AFF3: variants seen among roughly 807,000 people sequenced by gnomAD.
AFF3 encodes ALF transcription elongation factor 3.
AFF3 carries 32 observed loss-of-function variants against 129.7 expected under a neutral mutation model. The observed-to-expected ratio is 0.25, with a 90% confidence interval of 0.19 to 0.33. The LOEUF (loss-of-function observed/expected upper bound fraction) is 0.33, where lower values mean the gene tolerates loss of function less well. Ranked by LOEUF, AFF3 falls within the 10% of genes least tolerant of loss-of-function variation. The pLI, the probability that AFF3 is intolerant of heterozygous loss-of-function variation, is 1.00. For synonymous variants in AFF3, 644 were observed against 635.4 expected, an observed-to-expected ratio of 1.01 and a Z score of -0.20; for missense variants, 1,373 against 1,592.0, an observed-to-expected ratio of 0.86 and a Z score of 2.34.
intron 7 of AFF3, among the ~76,000 whole-genome samples, chr2:99,945,197 G>A (rs1675444467): frequency 6.6e-6 from 1 of 152,208 alleles, no homozygotes; most frequent in African/African-American, 2.4e-5. Flanking sequence ...AGCTGGTTGT[G>A]GGAAGACCAC....
chr2:99,975,386 T>C (rs531533576), intron 7 of AFF3, among the ~76,000 whole-genome samples: 4 of 152,356 alleles, frequency 2.6e-5, no homozygotes, highest in African/African-American at 9.6e-5. Context: ...GGAAAGGATA[T>C]ACCTGCTTAT....
At chr2:99,868,318 G>C (rs1691597297) in intron 7 of AFF3, among the ~76,000 whole-genome samples, 1 of 152,016 alleles carries the variant, frequency 6.6e-6, no homozygotes, top group African/African-American at 2.4e-5. Context: ...AATTGTATCT[G>C]CTAATCATGT....
At chr2:99,766,947 C>A (rs1286998271) in intron 8 of AFF3, among the ~76,000 whole-genome samples, 2 of 152,144 alleles carry the variant, frequency 1.3e-5, no homozygotes, top group African/African-American at 4.8e-5. Context: ...TACTCAAGGG[C>A]GAATAGGCAA....
At chr2:99,952,091 C>A (rs1376007067) in intron 7 of AFF3, among the ~76,000 whole-genome samples, 1 of 152,142 alleles carries the variant, frequency 6.6e-6, no homozygotes, top group African/African-American at 2.4e-5. Flanking sequence ...ATCTGTGTCT[C>A]CAACCAAGTC....
intron 13 of AFF3, among the ~76,000 whole-genome samples, chr2:99,614,051 G>A (rs1681185727): frequency 6.6e-6 from 1 of 152,170 alleles, no homozygotes; most frequent in Non-Finnish European, 1.5e-5. Flanking sequence ...AGGAACCTTA[G>A]AGCTGTTTTG....
At chr2:99,766,057 G>C (rs1321315697) in intron 8 of AFF3, among the ~76,000 whole-genome samples, 1 of 152,226 alleles carries the variant, frequency 6.6e-6, no homozygotes, top group Non-Finnish European at 1.5e-5. Flanking sequence ...GGGTAGTATA[G>C]GAGGTGTTAG....
chr2:99,633,637 G>A lies in AFF3; in HGVS notation c.1184+15989C>T, dbSNP rs368994876. 4.6e-4 allele frequency among the ~76,000 whole-genome samples: 70 copies of A among 152,218 alleles called. 1 individual carries two copies. The highest frequency in any genetic ancestry group is 1.6e-3 in the African/African-American group (68 of 41,538). On this transcript the variant is annotated intron_variant, in intron 13 of 24. Transcript: ENST00000672756. The stretch of plus-strand genomic sequence containing the variant: ...GTGGTGGATCCCTCATGAAAGGCTC[G>A]GTGCCGTCCTCCCAGAAGGGAGTGA...
chr2:99,907,292 A>G (rs1324686792), intron 7 of AFF3, among the ~76,000 whole-genome samples: 2 of 152,160 alleles, frequency 1.3e-5, no homozygotes, highest in Non-Finnish European at 2.9e-5. Context: ...CACTGTGCCA[A>G]TTCTGTTCAC....
At chr2:99,816,720 G>C (rs1558878276) in intron 8 of AFF3, among the ~76,000 whole-genome samples, 1 of 152,002 alleles carries the variant, frequency 6.6e-6, no homozygotes, top group Non-Finnish European at 1.5e-5. Context: ...TTAAGCCTCA[G>C]CCTCAGGTAG....
chr2:99,920,582 T>C (rs1695791224), intron 7 of AFF3, among the ~76,000 whole-genome samples: 1 of 152,004 alleles, frequency 6.6e-6, no homozygotes, highest in Admixed American at 6.6e-5. Context: ...AGAAAAAATG[T>C]ATAGCTAAGG....
chr2:99,560,631 T>G (rs1364113226), intron 20 of AFF3, among the ~76,000 whole-genome samples, 195 bp from the exon 21 acceptor site: 3 of 152,252 alleles, frequency 2.0e-5, no homozygotes, highest in African/African-American at 7.2e-5. Context: ...ATTACATTAC[T>G]GTGATGACTA....
intron 7 of AFF3, among the ~76,000 whole-genome samples, chr2:99,923,113 T>C (rs567086326): frequency 2.0e-5 from 3 of 152,226 alleles, no homozygotes; most frequent in African/African-American, 2.4e-5. Flanking sequence ...AAATTCATTA[T>C]GTTTTAAGCT....
chr2:99,638,353 C>T (rs2105466410), intron 13 of AFF3, among the ~76,000 whole-genome samples: 2 of 152,154 alleles, frequency 1.3e-5, no homozygotes, highest in Non-Finnish European at 2.9e-5. Context: ...AGCCACTGGC[C>T]AGAACCAGTT....
At chr2:99,990,672 A>G (rs1680259542) in intron 7 of AFF3, among the ~76,000 whole-genome samples, 1 of 152,176 alleles carries the variant, frequency 6.6e-6, no homozygotes, top group South Asian at 2.1e-4. Flanking sequence ...GAGAAATTGA[A>G]TCAGTGGACA....
At chr2:99,879,072 A>G (rs560925601) in intron 7 of AFF3, among the ~76,000 whole-genome samples, 1 of 152,242 alleles carries the variant, frequency 6.6e-6, no homozygotes, top group Non-Finnish European at 1.5e-5. Context: ...CACTGAAGTG[A>G]TAACTCATAG....
intron 13 of AFF3, among the ~76,000 whole-genome samples, chr2:99,635,159 G>A (rs1683525158): frequency 6.7e-6 from 1 of 148,174 alleles, no homozygotes; most frequent in African/African-American, 2.5e-5. Flanking sequence ...CTAGGTATAT[G>A]ATATATACAC....
intron 2 of AFF3, among the ~76,000 whole-genome samples, chr2:100,125,251 A>G (rs1692137362): frequency 6.6e-6 from 1 of 152,210 alleles, no homozygotes; most frequent in Non-Finnish European, 1.5e-5. Context: ...AGACCCTGGC[A>G]ATGTCCAAGA....
At chr2:100,112,917 T>C (rs1691574844) in intron 2 of AFF3, among the ~76,000 whole-genome samples, 1 of 152,230 alleles carries the variant, frequency 6.6e-6, no homozygotes, top group Admixed American at 6.5e-5. Flanking sequence ...TAATTCCATA[T>C]ACTTGGCACA....
At chr2:100,020,233 C>T (rs1232610709) in intron 4 of AFF3, among the ~76,000 whole-genome samples, 1 of 151,996 alleles carries the variant, frequency 6.6e-6, no homozygotes, top group African/African-American at 2.4e-5. Flanking sequence ...AGGTCTCCTT[C>T]CCTGGCCCTC....
Sources: allele counts gnomAD v4.1 joint callset (sites outside exome capture counted in the v4.1 genomes callset), GRCh38; gene constraint gnomAD v4.1.1; transcripts MANE v1.5; gene names NCBI Gene and HGNC (gene_info 2026-07-23, HGNC 2026-07-21).